ZBTB38: variants seen among roughly 807,000 people sequenced by gnomAD.
The protein encoded by ZBTB38 is zinc finger and BTB domain containing 38.
A neutral mutation model predicts 76.8 loss-of-function variants in ZBTB38; 20 were observed. The ratio of observed to expected loss-of-function variants is 0.26; its 90% CI spans 0.18 to 0.38. The LOEUF is 0.38. ZBTB38 is among the 10% of genes least tolerant of loss of function. The pLI is 1.00. For missense variants in ZBTB38, 1,082 were observed against 1,482.3 expected (o/e 0.73, Z 4.43); for synonymous variants, 504 against 544.2 (o/e 0.93, Z 1.03).
chr3:141,425,563 G>A (rs2076231743), intron 5 of ZBTB38, among the ~76,000 whole-genome samples: 1 of 152,214 alleles, frequency 6.6e-6, no homozygotes. Context: ...CCTGCACCGA[G>A]GGACATGCCC....
At chr3:141,357,358 C>T (rs1202635793) in intron 1 of ZBTB38, among the ~76,000 whole-genome samples, 1 of 152,020 alleles carries the variant, frequency 6.6e-6, no homozygotes, top group Admixed American at 6.5e-5. Context: ...TTTATGGTGT[C>T]TTTAGCCAAA....
At chr3:141,432,213 G>A (rs1210996361) in intron 5 of ZBTB38, 4 of 985,374 alleles carry the variant, frequency 4.1e-6, no homozygotes, top group Non-Finnish European at 4.8e-6. Flanking sequence ...GCCCAGTATG[G>A]ACTGCAGGTT....
At chr3:141,375,599 G>A (rs963086629) in intron 2 of ZBTB38, among the ~76,000 whole-genome samples, 1 of 152,248 alleles carries the variant, frequency 6.6e-6, no homozygotes, top group African/African-American at 2.4e-5. Flanking sequence ...AGCCGTGCAG[G>A]CAGCATCCAT....
chr3:141,354,664 A>C (rs534100130), intron 1 of ZBTB38, among the ~76,000 whole-genome samples: 2 of 152,232 alleles, frequency 1.3e-5, no homozygotes, highest in South Asian at 4.1e-4. Context: ...CTCTCCAGGC[A>C]GGCAGTACCT....
chr3:141,381,683 G>T (rs1946219103), intron 3 of ZBTB38, among the ~76,000 whole-genome samples, 196 bp downstream of exon 3: 1 of 152,164 alleles, frequency 6.6e-6, no homozygotes, highest in East Asian at 1.9e-4. Context: ...GGAGCTGGTG[G>T]ATTAGAAAGC....
intron 1 of ZBTB38, among the ~76,000 whole-genome samples, chr3:141,351,261 A>G (rs1943505383): frequency 6.6e-6 from 1 of 152,172 alleles, no homozygotes; most frequent in Admixed American, 6.5e-5. Context: ...TAAATGGTAC[A>G]ACCATGTTTT....
chr3:141,443,419 G>A lies in ZBTB38; in HGVS notation c.1031G>A (p.Cys344Tyr), dbSNP rs769377876. 6.2e-7 allele frequency: 1 copy of A among 1,614,198 alleles called. No individual in the cohort carries two copies. The highest frequency in any genetic ancestry group is 8.5e-7 in the Non-Finnish European group (1 of 1,180,028). The change falls in exon 6 of 6, where the codon TGT (cysteine) becomes TAT (tyrosine). Residue 344 changes from cysteine to tyrosine, a missense_variant. Cys to Tyr is a radical substitution (Grantham distance 194). This residue lies in a region of ZBTB38 where 324 missense variants were observed against 359.1 expected (regional missense o/e 0.90). Coordinates refer to ENST00000321464, the MANE Select transcript of ZBTB38 (RefSeq NM_001376113.1). This position sits in a 1 kb window ranked among gnomAD's most constrained non-coding sequence, Gnocchi z 5.6. ...AAEVPPLVYN[C>Y]SCCSKAFDSS... ...GAGGTTCCACCTCTGGTGTACAATT[G>A]TAGCTGCTGTTCCAAAGCCTTTGAC...
At chr3:141,417,466 G>C (rs562424317) in intron 5 of ZBTB38, among the ~76,000 whole-genome samples, 1 of 152,148 alleles carries the variant, frequency 6.6e-6, no homozygotes, top group African/African-American at 2.4e-5. Flanking sequence ...AAACGCAGTA[G>C]AACAGGCACG....
chr3:141,373,024 G>A (rs533228593), intron 2 of ZBTB38, among the ~76,000 whole-genome samples: 58 of 152,310 alleles, frequency 3.8e-4, no homozygotes, highest in African/African-American at 1.3e-3. Context: ...AGGGGAGTAA[G>A]ACCACCACAT....
intron 5 of ZBTB38, among the ~76,000 whole-genome samples, chr3:141,422,005 C>G (rs1403225154): frequency 6.6e-6 from 1 of 152,222 alleles, no homozygotes; most frequent in East Asian, 1.9e-4. Context: ...AAACACAACC[C>G]TGAAAAAGCT....
intron 3 of ZBTB38, among the ~76,000 whole-genome samples, chr3:141,382,990 G>C (rs1256564870): frequency 1.3e-5 from 2 of 152,214 alleles, no homozygotes; most frequent in Non-Finnish European, 1.5e-5. Context: ...GCTATTTACT[G>C]TGTGTAATCT....
At chr3:141,334,061 A>G (rs368058638) in intron 1 of ZBTB38, among the ~76,000 whole-genome samples, 1 of 152,194 alleles carries the variant, frequency 6.6e-6, no homozygotes, top group Non-Finnish European at 1.5e-5. Flanking sequence ...TGAATCACCC[A>G]TAAAGAATGG....
At chr3:141,354,576 C>T (rs568980420) in intron 1 of ZBTB38, among the ~76,000 whole-genome samples, 1 of 152,214 alleles carries the variant, frequency 6.6e-6, no homozygotes, top group Non-Finnish European at 1.5e-5. Context: ...CTGGTCCAGT[C>T]CTTGTAGCTT....
At chr3:141,384,506 T>C (rs1946657436) in intron 3 of ZBTB38, among the ~76,000 whole-genome samples, 1 of 152,234 alleles carries the variant, frequency 6.6e-6, no homozygotes, top group South Asian at 2.1e-4. Context: ...TGATGGGGAA[T>C]ATCTCAACAG....
In ZBTB38 at chr3:141,442,787, C is replaced by T. The variant is rs775928694; in HGVS notation, c.399C>T (p.Pro133=). ...GCAACTTCTCAAATTCCCCGGGTCC[C>T]TATGTATTCTGTATTACTGAAAAGG... ...TDRNFSNSPG[P]YVFCITEKGV... Residue 133 remains proline, a synonymous_variant, in exon 6 of 6, where the codon CCC becomes CCT. Transcript: ENST00000321464. The surrounding 1 kb of genome is among the most constrained non-coding windows in gnomAD (Gnocchi z 6.4). The T allele has an allele frequency of 5.0e-6, 8 of 1,613,850 alleles. No homozygotes were observed. The African/African-American group carries it at 8.0e-5, about 16-fold the overall frequency.
intron 2 of ZBTB38, among the ~76,000 whole-genome samples, chr3:141,376,456 C>T (rs1178796341): frequency 6.6e-6 from 1 of 152,196 alleles, no homozygotes; most frequent in Non-Finnish European, 1.5e-5. Flanking sequence ...TCACTACTCT[C>T]CTGATTCTTG....
chr3:141,406,887 G>A (rs1451693330), intron 5 of ZBTB38, among the ~76,000 whole-genome samples: 1 of 152,118 alleles, frequency 6.6e-6, no homozygotes, highest in Non-Finnish European at 1.5e-5. Context: ...TACATTGTTG[G>A]TGTTTTCCTT....
intron 3 of ZBTB38, among the ~76,000 whole-genome samples, chr3:141,382,484 G>A (rs762598507): frequency 1.7e-4 from 26 of 151,908 alleles, no homozygotes; most frequent in Non-Finnish European, 3.2e-4. Context: ...ACCTGTGAGA[G>A]GGAAAAAACT....
At chr3:141,431,899 G>A (rs919663235) in intron 5 of ZBTB38, 3 of 165,554 alleles carry the variant, frequency 1.8e-5, no homozygotes, top group Non-Finnish European at 3.7e-5. Context: ...TTCTGTGCCC[G>A]TTTCAGGCCA....
Sources: gnomAD v4.1 joint callset for allele counts (sites outside exome capture counted in the v4.1 genomes callset) on GRCh38, gnomAD v4.1.1 for gene constraint, gnomAD v4.1.1 regional missense constraint, Gnocchi (gnomAD v3.1) non-coding constraint, MANE v1.5 for transcripts, NCBI Gene and HGNC (gene_info 2026-07-23, HGNC 2026-07-21) for gene names.